Variants in FAM169A observed in about 807,000 individuals in gnomAD.
The protein encoded by FAM169A is family with sequence similarity 169 member A, also known as soluble lamin-associated protein of 75 kDa.
FAM169A carries 24 observed loss-of-function variants against 75.7 expected under a neutral mutation model. The observed-to-expected ratio is 0.32, with a 90% CI of 0.23 to 0.45. The LOEUF (loss-of-function observed/expected upper bound fraction) is 0.45. Ranked by LOEUF, FAM169A falls within the 20% of genes least tolerant of loss-of-function variation. The probability of loss-of-function intolerance (pLI) is 1.00; values close to 1 mark genes in which losing one functional copy is unlikely to be tolerated. For synonymous variants in FAM169A, 271 were observed against 271.0 expected, an observed-to-expected ratio of 1.00 and a Z score of 0.00; for missense variants, 673 against 784.0, an observed-to-expected ratio of 0.86 and a Z score of 1.69.
chr5:74,782,796 A>T (rs1022249728), intron 12 of FAM169A, 135 bp downstream of exon 12: 13 of 539,938 alleles, frequency 2.4e-5, no homozygotes, highest in Non-Finnish European at 4.3e-5. Flanking sequence ...ATAATATCAA[A>T]TCTAGTATAA....
Position 74,801,021 on chromosome 5 carries a change from T to C in FAM169A, c.962A>G (p.Lys321Arg), listed in dbSNP as rs753307636. 1.5e-5 allele frequency: 23 copies of C among 1,554,786 alleles called. 1 individual carries two copies. The highest frequency in any genetic ancestry group is 3.4e-4 in the Middle Eastern group (2 of 5,862). ...TCGAGTATGAGTGGAAACAGATGTT[T>C]TATCATGACCTGAGGAGAAAAACAG... Reference protein sequence around the residue: ...AFASTSEGHDKTSVSTHTRSG... With the variant: ...AFASTSEGHDRTSVSTHTRSG... The change falls in exon 10 of 13, where the codon AAA (lysine) becomes AGA (arginine). Residue 321 changes from lysine to arginine, a missense_variant. Transcript: ENST00000687041.
chr5:74,799,137 C>T, intron 10 of FAM169A: 1 of 1,017,724 alleles, frequency 9.8e-7, no homozygotes, highest in Admixed American at 1.7e-5. Flanking sequence ...CTCACGAACT[C>T]AAGGAGCACA....
chr5:74,789,556 G>A (rs536439623), intron 11 of FAM169A, among the ~76,000 whole-genome samples: 4 of 152,304 alleles, frequency 2.6e-5, no homozygotes, highest in Non-Finnish European at 4.4e-5. Flanking sequence ...AAGGCTCTGC[G>A]ACAGGTCCAG....
Position 74,781,826 on chromosome 5 carries a change from A to G in FAM169A, c.1647T>C (p.Ala549=), listed in dbSNP as rs762170204. Residue 549 remains alanine, a synonymous_variant, in exon 13 of 13, where the codon GCT becomes GCC. Coordinates refer to ENST00000687041, the MANE Select transcript of FAM169A (RefSeq NM_001376049.1). ...SDGGFPNSVI[A]EFSEEPVSEN... is the part of the protein sequence containing the mutation. ...CAGAGACCGGTTCTTCGGAAAATTCAGCTATCACAGAGTTTGGAAAACCAC... is the reference window on the plus strand; with the variant it reads ...CAGAGACCGGTTCTTCGGAAAATTCGGCTATCACAGAGTTTGGAAAACCAC... 1.2e-6 allele frequency: 2 copies of G among 1,614,100 alleles called. No homozygotes were observed. The highest frequency in any genetic ancestry group is 1.7e-6 in the Non-Finnish European group (2 of 1,179,994).
chr5:74,807,053 T>G (rs566443219), intron 6 of FAM169A, among the ~76,000 whole-genome samples: 7 of 152,298 alleles, frequency 4.6e-5, no homozygotes, highest in African/African-American at 7.2e-5. Flanking sequence ...TGAAAAGGCT[T>G]TTATGATCCA....
intron 10 of FAM169A, chr5:74,799,688 A>G: frequency 7.9e-7 from 1 of 1,264,942 alleles, no homozygotes. Context: ...TCTGCTGCTG[A>G]TGCCTCAAAA....
At chr5:74,854,363 C>A (rs1008910685) in intron 1 of FAM169A, among the ~76,000 whole-genome samples, 1 of 151,898 alleles carries the variant, frequency 6.6e-6, no homozygotes, top group African/African-American at 2.4e-5. Context: ...CCACTGCACT[C>A]CAGCCTGGGT....
At chr5:74,810,214 T>A (rs980150010) in intron 6 of FAM169A, among the ~76,000 whole-genome samples, 1 of 152,060 alleles carries the variant, frequency 6.6e-6, no homozygotes, top group African/African-American at 2.4e-5. Flanking sequence ...GACATAGAAG[T>A]AGAGATACCA....
chr5:74,851,259 G>C (rs1317900614), intron 1 of FAM169A, among the ~76,000 whole-genome samples: 2 of 152,216 alleles, frequency 1.3e-5, no homozygotes, highest in East Asian at 1.9e-4. Context: ...TCACTTCGTA[G>C]TGCAGTCTCT....
chr5:74,801,473 G>A (rs1410982105), intron 9 of FAM169A, 117 bp downstream of exon 9: 4 of 832,672 alleles, frequency 4.8e-6, no homozygotes, highest in Non-Finnish European at 8.1e-6. Flanking sequence ...TTTAGAGCTG[G>A]TTAAGTCTTC....
At chr5:74,827,547 T>C (rs1748098275) in intron 5 of FAM169A, among the ~76,000 whole-genome samples, 1 of 152,068 alleles carries the variant, frequency 6.6e-6, no homozygotes. Flanking sequence ...TTTGGAATTA[T>C]TATAATTATT....
intron 8 of FAM169A, among the ~76,000 whole-genome samples, chr5:74,803,266 T>G (rs1746682246): frequency 6.6e-6 from 1 of 152,148 alleles, no homozygotes; most frequent in Non-Finnish European, 1.5e-5. Context: ...TTTCCTTGAT[T>G]TTATAACTGG....
intron 1 of FAM169A, among the ~76,000 whole-genome samples, chr5:74,842,011 C>T (rs114193713): frequency 0.01 from 1,541 of 151,910 alleles, 27 homozygotes; most frequent in African/African-American, 0.035. Context: ...TCATAAACCA[C>T]TCAACATAAA....
intron 11 of FAM169A, among the ~76,000 whole-genome samples, chr5:74,785,316 C>T (rs150924541): frequency 1.3e-4 from 20 of 152,096 alleles, no homozygotes; most frequent in African/African-American, 4.1e-4. Context: ...GAGACTCCGT[C>T]TCAAAAGAAA....
chr5:74,866,110 G>GCGGCCGTCT (rs1036358659), intron 1 of FAM169A, 55 bp downstream of exon 1: 89 of 885,480 alleles, frequency 1.0e-4, no homozygotes, highest in Non-Finnish European at 1.2e-4. Context: ...GGGGCCCGGC[G>GCGGCCGTCT]CGGCCGTCTC....
rs560191540 is a variant in FAM169A at position 74,788,116 on chromosome 5, T to A, written c.1261-4982A>T. ...TTCAGGGACTACTGGACACTGGCTCTGAGCTGACGTTGATTCCGGGGGACC... is the reference window on the plus strand; with the variant it reads ...TTCAGGGACTACTGGACACTGGCTCAGAGCTGACGTTGATTCCGGGGGACC... On this transcript the variant is annotated intron_variant, in intron 11 of 12. Transcript: ENST00000687041. Among the ~76,000 whole-genome samples the A allele has an allele frequency of 2.0e-5, 3 of 152,318 alleles. No homozygotes were observed. The East Asian group carries it at 5.8e-4, about 29-fold the overall frequency.
chr5:74,861,177 G>A (rs1233020151), intron 1 of FAM169A, among the ~76,000 whole-genome samples: 1 of 152,092 alleles, frequency 6.6e-6, no homozygotes, highest in East Asian at 1.9e-4. Flanking sequence ...TTCCCAATTC[G>A]TATTTTCAAA....
intron 6 of FAM169A, among the ~76,000 whole-genome samples, chr5:74,807,857 G>A (rs1213077595): frequency 2.0e-5 from 3 of 152,154 alleles, no homozygotes; most frequent in South Asian, 4.1e-4. Flanking sequence ...AGCGGCTCAC[G>A]CCTGTAATCC....
At chr5:74,840,049 T>A (rs1748776392) in intron 3 of FAM169A, 25 bp downstream of exon 3, 12 of 1,232,160 alleles carry the variant, frequency 9.7e-6, no homozygotes, top group Non-Finnish European at 1.4e-5. Context: ...ATTCCTTAAT[T>A]TATAAAAATT....
Sources: gnomAD v4.1 joint callset for allele counts (sites outside exome capture counted in the v4.1 genomes callset) on GRCh38, gnomAD v4.1.1 for gene constraint, MANE v1.5 for transcripts, NCBI Gene and HGNC (gene_info 2026-07-23, HGNC 2026-07-21) for gene names.